SUPT3H: variants seen among roughly 807,000 people sequenced by gnomAD.
SUPT3H encodes the protein transcription initiation protein SPT3 homolog.
In SUPT3H, 44 loss-of-function variants were observed where a neutral mutation model predicts 44.3. The observed-to-expected ratio is 0.99, with a 90% CI of 0.78 to 1.28. The LOEUF is 1.28. SUPT3H is among the 50% of genes most tolerant of loss of function. The pLI, the probability that SUPT3H is intolerant of heterozygous loss-of-function variation, is 0.00. For synonymous variants in SUPT3H, 124 were observed against 125.6 expected (o/e 0.99, Z 0.09); for missense variants, 380 against 387.1 (o/e 0.98, Z 0.15).
chr6:45,241,311 T>C (rs955428205), intron 2 of SUPT3H, among the ~76,000 whole-genome samples: 1 of 151,932 alleles, frequency 6.6e-6, no homozygotes, highest in South Asian at 2.1e-4. Context: ...ATGCTGAAGG[T>C]TGTGGGTTTA....
chr6:44,867,965 A>AT (rs34985613), intron 10 of SUPT3H, among the ~76,000 whole-genome samples: 94,803 of 146,010 alleles, frequency 0.65, 31,381 homozygotes, highest in East Asian at 0.97. Context: ...CCATTTTGGT[A>AT]TTTTTTTTTT....
At chr6:45,305,545 CCTTT>C (rs1782858074) in intron 2 of SUPT3H, among the ~76,000 whole-genome samples, 1 of 152,126 alleles carries the variant, frequency 6.6e-6, no homozygotes, top group Non-Finnish European at 1.5e-5. Context: ...TTCAGAGTTC[CCTTT>C]CTTTATGTGG....
intron 3 of SUPT3H, among the ~76,000 whole-genome samples, chr6:45,062,452 G>A (rs1358424302): frequency 1.3e-5 from 2 of 151,514 alleles, no homozygotes; most frequent in African/African-American, 4.9e-5. Context: ...CTGTAGGGGT[G>A]AGGAGCCAAG....
chr6:44,890,399 C>T (rs1415663833), intron 10 of SUPT3H, among the ~76,000 whole-genome samples: 2 of 151,918 alleles, frequency 1.3e-5, no homozygotes, highest in Admixed American at 6.6e-5. Flanking sequence ...GAAAATGTGG[C>T]ACATACATAC....
rs116118092 is a variant in SUPT3H at position 44,928,994 on chromosome 6, C to A, written c.912+3659G>T. On this transcript the variant is annotated intron_variant, in intron 10 of 10. Transcript: ENST00000371459. ...CTGAGTGGGGACGGATGGTGTGTGTCTCCACAGCACACATGAATGTGGTGT... is the reference window on the plus strand; with the variant it reads ...CTGAGTGGGGACGGATGGTGTGTGTATCCACAGCACACATGAATGTGGTGT... 2.5e-3 allele frequency among the ~76,000 whole-genome samples: 385 copies of A among 151,444 alleles called. 3 individuals carry two copies. Among genetic ancestry groups the A allele is most frequent in the African/African-American group, 8.5e-3 (352 of 41,200 alleles).
intron 6 of SUPT3H, among the ~76,000 whole-genome samples, chr6:44,965,961 G>A (rs531565350): frequency 5.3e-5 from 8 of 152,262 alleles, no homozygotes; most frequent in South Asian, 2.1e-4. Context: ...AAAGAAATGC[G>A]TTTAAGTACG....
intron 9 of SUPT3H, 145 bp from the exon 10 acceptor site, chr6:44,932,908 A>G (rs114960460): frequency 0.011 from 4,902 of 457,004 alleles, 34 homozygotes; most frequent in Middle Eastern, 0.017. Flanking sequence ...TACATCTAAA[A>G]AAGAATTCCA....
In SUPT3H at chr6:44,896,905, CA is replaced by C. The variant is rs762447004; in HGVS notation, c.912+35747del. On this transcript the variant is annotated intron_variant, in intron 10 of 10. Coordinates refer to ENST00000371459, the MANE Select transcript of SUPT3H (RefSeq NM_003599.4). ...AATGAAGATGGCTGTAATACCATCT[CA>C]TTTATCAGATCCAGATTCTCTTTAG... Among the ~76,000 whole-genome samples the C allele has an allele frequency of 2.6e-5, 4 of 152,322 alleles. No individual in the cohort carries two copies. In the East Asian group the frequency reaches 7.7e-4, roughly 29 times the overall value.
intron 2 of SUPT3H, among the ~76,000 whole-genome samples, chr6:45,302,606 G>T (rs1233064728): frequency 6.8e-6 from 1 of 147,430 alleles, no homozygotes; most frequent in Admixed American, 6.9e-5. Flanking sequence ...CATTTGGGCT[G>T]GTTCCATATT....
chr6:44,816,432 A>G (rs1766915376), intron 11 of SUPT3H, among the ~76,000 whole-genome samples: 1 of 152,158 alleles, frequency 6.6e-6, no homozygotes, highest in Non-Finnish European at 1.5e-5. Context: ...AGATAACCTT[A>G]TATCTAATAG....
At chr6:45,131,711 C>T (rs1287404372) in intron 2 of SUPT3H, among the ~76,000 whole-genome samples, 4 of 152,136 alleles carry the variant, frequency 2.6e-5, no homozygotes, top group Non-Finnish European at 5.9e-5. Flanking sequence ...TTACTTTTAA[C>T]TACTGTAATA....
At chr6:44,858,274 G>A (rs1774068442) in intron 10 of SUPT3H, among the ~76,000 whole-genome samples, 1 of 152,134 alleles carries the variant, frequency 6.6e-6, no homozygotes, top group Non-Finnish European at 1.5e-5. Context: ...AAACAAATTA[G>A]TAACATGCTG....
intron 3 of SUPT3H, among the ~76,000 whole-genome samples, chr6:45,086,991 G>A (rs960628208): frequency 4.0e-5 from 6 of 151,620 alleles, no homozygotes; most frequent in Admixed American, 1.3e-4. Context: ...TACATAATTC[G>A]GTTAACAAGC....
At chr6:45,189,340 G>C (rs2153617789) in intron 2 of SUPT3H, among the ~76,000 whole-genome samples, 1 of 152,210 alleles carries the variant, frequency 6.6e-6, no homozygotes, top group South Asian at 2.1e-4. Flanking sequence ...AAACCTTTAA[G>C]ATAGTCTCTA....
At chr6:45,239,991 G>A (rs1584442327) in intron 2 of SUPT3H, among the ~76,000 whole-genome samples, 2 of 152,320 alleles carry the variant, frequency 1.3e-5, no homozygotes, top group African/African-American at 4.8e-5. Context: ...GAAACCAGCT[G>A]CAAAGACAGA....
chr6:44,933,088 A>G (rs949834971), intron 9 of SUPT3H, among the ~76,000 whole-genome samples: 1 of 152,010 alleles, frequency 6.6e-6, no homozygotes. Flanking sequence ...AACCACAGGA[A>G]GTTATTTTTT....
chr6:44,970,663 T>C (rs948918561), intron 6 of SUPT3H, among the ~76,000 whole-genome samples: 2 of 152,140 alleles, frequency 1.3e-5, no homozygotes, highest in Admixed American at 6.5e-5. Flanking sequence ...GCATTTTGAA[T>C]AACATTCTTA....
chr6:45,003,751 T>C lies in SUPT3H; in HGVS notation c.406A>G (p.Ile136Val). 1.2e-6 allele frequency: 2 copies of C among 1,613,790 alleles called. No homozygotes were observed. The highest frequency in any genetic ancestry group is 8.5e-7 in the Non-Finnish European group (1 of 1,179,838). ...GSNNANKRQK[I>V]AQDFLNSIDQ... The stretch of plus-strand genomic sequence containing the variant: ...ATAGAGTTGAGGAAGTCCTGAGCAA[T>C]CTTTTGTCTTTTGTTCGCATTATTG... The change falls in exon 6 of 11, where the codon ATT becomes GTT. Residue 136 changes from isoleucine (I) to valine (V), a missense_variant. Coordinates refer to ENST00000371459, the MANE Select transcript of SUPT3H (RefSeq NM_003599.4).
intron 3 of SUPT3H, among the ~76,000 whole-genome samples, chr6:45,047,770 T>C (rs1284342963): frequency 6.6e-6 from 1 of 152,196 alleles, no homozygotes; most frequent in African/African-American, 2.4e-5. Flanking sequence ...CTGTCATCTT[T>C]TTGACGACAG....
Sources: gnomAD v4.1 joint callset for allele counts (sites outside exome capture counted in the v4.1 genomes callset) on GRCh38, gnomAD v4.1.1 for gene constraint, MANE v1.5 for transcripts, NCBI Gene and HGNC (gene_info 2026-07-23, HGNC 2026-07-21) for gene names.